The following KCTD16 variants were observed in gnomAD, a reference collection of about 807,000 sequenced individuals.
KCTD16 encodes BTB/POZ domain-containing protein KCTD16.
KCTD16 carries 13 observed loss-of-function variants against 33.2 expected under a neutral mutation model. The observed-to-expected ratio is 0.39, with a 90% confidence interval of 0.25 to 0.62. The LOEUF is 0.62. KCTD16 is among the 20% of genes least tolerant of loss of function. The pLI is 0.50. For synonymous variants in KCTD16, 197 were observed against 195.3 expected, an observed-to-expected ratio of 1.01 and a Z score of -0.07; for missense variants, 441 against 525.1, an observed-to-expected ratio of 0.84 and a Z score of 1.57.
chr5:144,171,007 T>A lies in KCTD16; in HGVS notation c.-495T>A, dbSNP rs1264461585. 1 of 152,174 alleles carries A rather than the reference T, an allele frequency of 6.6e-6. No individual in the cohort carries two copies. The highest frequency in any genetic ancestry group is 3.2e-3 in the Middle Eastern group (1 of 316). The allele number at this position is 152,174 out of a possible 1,614,324, so 9.4% of individuals were successfully genotyped here. On this transcript the variant is annotated splice_region_variant and 5_prime_UTR_variant, in exon 1 of 4. Coordinates refer to ENST00000512467, the MANE Select transcript of KCTD16 (RefSeq NM_020768.4). ...GTGATTCAAGCACTGTGCTAAAGTG[T>A]TTGTATGTATTATTTAATCTTTACA...
chr5:144,240,982 A>C (rs1355325457), intron 3 of KCTD16, among the ~76,000 whole-genome samples: 1 of 152,080 alleles, frequency 6.6e-6, no homozygotes. Context: ...CAAGGATGGG[A>C]TCGAGACACC....
chr5:144,434,772 A>G (rs1421940972), intron 3 of KCTD16, among the ~76,000 whole-genome samples: 1 of 152,186 alleles, frequency 6.6e-6, no homozygotes, highest in African/African-American at 2.4e-5. Context: ...TTATCACTGA[A>G]TAGGTCATGT....
chr5:144,220,151 C>G (rs1192803023), intron 3 of KCTD16, among the ~76,000 whole-genome samples: 1 of 152,202 alleles, frequency 6.6e-6, no homozygotes, highest in East Asian at 1.9e-4. Flanking sequence ...ACCTCTCCCC[C>G]AAACACTCAT....
intron 3 of KCTD16, among the ~76,000 whole-genome samples, chr5:144,419,216 TTGCATCC>T (rs1188601148): frequency 6.6e-6 from 1 of 152,182 alleles, no homozygotes; most frequent in African/African-American, 2.4e-5. Context: ...CTATTGTAAT[TTGCATCC>T]CTGATATTCT....
At position 144,447,550 on chromosome 5, in the gene KCTD16, G is replaced by A. The variant is rs1169371908; in HGVS notation, c.833-26110G>A. On this transcript the variant is annotated intron_variant, in intron 3 of 3. Coordinates refer to ENST00000512467, the MANE Select transcript of KCTD16 (RefSeq NM_020768.4). ...CCACACATGTATCCCAGACCTGGAAGTATAATTTAAAAAAAGAAAAAAGAA... is the reference window on the plus strand; with the variant it reads ...CCACACATGTATCCCAGACCTGGAAATATAATTTAAAAAAAGAAAAAAGAA... Among the ~76,000 whole-genome samples, 4 of 151,722 alleles carry A rather than the reference G, an allele frequency of 2.6e-5. No individual in the cohort carries two copies. The East Asian group carries it at 5.8e-4, about 22-fold the overall frequency.
chr5:144,329,449 A>G (rs980039729), intron 3 of KCTD16, among the ~76,000 whole-genome samples: 1 of 152,168 alleles, frequency 6.6e-6, no homozygotes, highest in Non-Finnish European at 1.5e-5. Flanking sequence ...CCAACACCAT[A>G]AAAAGTAAAC....
chr5:144,398,212 G>A (rs918077784), intron 3 of KCTD16, among the ~76,000 whole-genome samples: 2 of 152,126 alleles, frequency 1.3e-5, no homozygotes, highest in African/African-American at 4.8e-5. Context: ...TTTTCTAGTA[G>A]TGACTAGGTA....
intron 3 of KCTD16, among the ~76,000 whole-genome samples, chr5:144,229,047 C>T (rs921750477): frequency 6.6e-6 from 1 of 152,142 alleles, no homozygotes; most frequent in Admixed American, 6.5e-5. Flanking sequence ...TCACTTGAAA[C>T]AAATGGCCAT....
chr5:144,294,967 C>T (rs1007356081), intron 3 of KCTD16, among the ~76,000 whole-genome samples: 5 of 152,176 alleles, frequency 3.3e-5, no homozygotes, highest in Non-Finnish European at 5.9e-5. Flanking sequence ...GACCTTTATC[C>T]GTACTGTTCA....
chr5:144,275,029 C>T (rs956402906), intron 3 of KCTD16, among the ~76,000 whole-genome samples: 3 of 152,164 alleles, frequency 2.0e-5, no homozygotes, highest in Non-Finnish European at 4.4e-5. Context: ...AATTCTTTAA[C>T]CGTATATTAA....
chr5:144,177,670 T>G lies in KCTD16; in HGVS notation c.-327+3198T>G, dbSNP rs6650973. On this transcript the variant is annotated intron_variant, in intron 2 of 3. Transcript: ENST00000512467. ...GTCTCTGTGTCCACATTTCCCTTTT[T>G]TAAGAGCACGAGTCATGTTGGTTTA... Among the ~76,000 whole-genome samples, 936 of 152,310 alleles carry G rather than the reference T, an allele frequency of 6.1e-3. 13 individuals are homozygous for G. The highest frequency in any genetic ancestry group is 0.022 in the African/African-American group (903 of 41,556).
At chr5:144,467,211 T>C (rs1193262348) in intron 3 of KCTD16, among the ~76,000 whole-genome samples, 2 of 150,940 alleles carry the variant, frequency 1.3e-5, no homozygotes. Context: ...TTTTGTCATA[T>C]GTATATTAAC....
At chr5:144,358,283 A>G (rs1249806601) in intron 3 of KCTD16, among the ~76,000 whole-genome samples, 2 of 152,046 alleles carry the variant, frequency 1.3e-5, no homozygotes, top group African/African-American at 4.8e-5. Context: ...TTGAAGACCA[A>G]CTAAAATGGA....
rs1326431984 is a variant in KCTD16, at chr5:144,474,685, C to T, written c.*571C>T. ...CAACTAAGTATGTATATACACATGA[C>T]GCACACGATGCCAGGGCCTAGACCT... On this transcript the variant is annotated 3_prime_UTR_variant, in exon 4 of 4. Transcript: ENST00000512467. The T allele has an allele frequency of 3.3e-5, 5 of 153,300 alleles. No homozygotes were observed. The highest frequency in any genetic ancestry group is 1.9e-4 in the East Asian group (1 of 5,206). The allele number at this position is 153,300 out of a possible 1,614,324, so 9.5% of individuals were successfully genotyped here.
At chr5:144,189,479 G>A (rs1453870305) in intron 2 of KCTD16, among the ~76,000 whole-genome samples, 1 of 142,454 alleles carries the variant, frequency 7.0e-6, no homozygotes, top group Non-Finnish European at 1.5e-5. Context: ...CGGGGTGACA[G>A]AGTGAGACTC....
chr5:144,380,776 G>T (rs992250490), intron 3 of KCTD16, among the ~76,000 whole-genome samples: 1 of 152,122 alleles, frequency 6.6e-6, no homozygotes, highest in African/African-American at 2.4e-5. Context: ...GCAGAAGATC[G>T]AAACTGGACT....
chr5:144,234,545 G>A (rs1007610101), intron 3 of KCTD16, among the ~76,000 whole-genome samples: 1 of 152,006 alleles, frequency 6.6e-6, no homozygotes, highest in Non-Finnish European at 1.5e-5. Context: ...ACAAGCCCTG[G>A]ACTTGAAATT....
chr5:144,330,411 CA>C (rs10577099), intron 3 of KCTD16, among the ~76,000 whole-genome samples: 9,127 of 87,268 alleles, frequency 0.1, 264 homozygotes, highest in Middle Eastern at 0.16. Context: ...GAAACTCCAT[CA>C]AAAAAAAAAA....
At chr5:144,350,294 G>A (rs1016635762) in intron 3 of KCTD16, among the ~76,000 whole-genome samples, 5 of 152,068 alleles carry the variant, frequency 3.3e-5, no homozygotes, top group Non-Finnish European at 5.9e-5. Context: ...CCAGGGCAGG[G>A]AGTCCAGAAC....
Sources: allele counts gnomAD v4.1 joint callset (sites outside exome capture counted in the v4.1 genomes callset), GRCh38; gene constraint gnomAD v4.1.1; transcripts MANE v1.5; gene names NCBI Gene and HGNC (gene_info 2026-07-23, HGNC 2026-07-21).